Variants in GABRB2 observed in about 807,000 individuals in gnomAD.
GABRB2 encodes the protein gamma-aminobutyric acid receptor subunit beta-2.
GABRB2 carries 16 observed loss-of-function variants against 54.7 expected under a neutral mutation model. The observed-to-expected ratio is 0.29, with a 90% confidence interval of 0.20 to 0.44. The LOEUF (loss-of-function observed/expected upper bound fraction) is 0.44. Ranked by LOEUF, GABRB2 falls within the 20% of genes least tolerant of loss-of-function variation. GABRB2 has a pLI of 1.00. For missense variants in GABRB2, 355 were observed against 644.0 expected (o/e 0.55, Z 4.86); for synonymous variants, 244 against 233.8 (o/e 1.04, Z -0.40).
chr5:161,367,180 T>C (rs1336343596), intron 5 of GABRB2, among the ~76,000 whole-genome samples: 1 of 152,220 alleles, frequency 6.6e-6, no homozygotes, highest in South Asian at 2.1e-4. Flanking sequence ...TCCATAAAAG[T>C]TTCAAATTCT....
At chr5:161,371,226 A>G (rs1469821516) in intron 5 of GABRB2, among the ~76,000 whole-genome samples, 2 of 152,128 alleles carry the variant, frequency 1.3e-5, no homozygotes, top group Non-Finnish European at 2.9e-5. Context: ...AACTCTCTTG[A>G]AAATATACTT....
At chr5:161,544,571 C>T (rs1159147786) in intron 3 of GABRB2, among the ~76,000 whole-genome samples, 2 of 152,210 alleles carry the variant, frequency 1.3e-5, no homozygotes, top group African/African-American at 4.8e-5. Flanking sequence ...AGGAGTACTG[C>T]TGTCAATTAA....
In GABRB2 at chr5:161,291,891, A is replaced by C. The variant is rs1757248356; in HGVS notation, c.*2190T>G. The C allele has an allele frequency of 6.6e-6, 1 of 152,060 alleles. No individual in the cohort carries two copies. The highest frequency in any genetic ancestry group is 1.5e-5 in the Non-Finnish European group (1 of 67,966). The allele number at this position is 152,060 out of a possible 1,614,324, so 9.4% of individuals were successfully genotyped here. On this transcript the variant is annotated 3_prime_UTR_variant, in exon 10 of 10. Transcript: ENST00000393959. ...TCCTGATGTTTTTTAGTCAAACTTT[A>C]CCCCCTGTTGACAAGGGGCAGGCAC...
At chr5:161,394,691 T>C (rs190100881) in intron 5 of GABRB2, among the ~76,000 whole-genome samples, 1 of 152,182 alleles carries the variant, frequency 6.6e-6, no homozygotes, top group East Asian at 1.9e-4. Context: ...CCCATATCTG[T>C]TAAAGATATT....
intron 9 of GABRB2, among the ~76,000 whole-genome samples, chr5:161,309,775 C>T (rs113501117): frequency 0.021 from 3,194 of 151,398 alleles, 118 homozygotes; most frequent in African/African-American, 0.071. Context: ...GGACTACAGG[C>T]GCCCGCCACT....
At chr5:161,457,906 GCC>G (rs1196620896) in intron 4 of GABRB2, among the ~76,000 whole-genome samples, 3 of 152,130 alleles carry the variant, frequency 2.0e-5, no homozygotes, top group African/African-American at 7.2e-5. Context: ...CATGTCCTGT[GCC>G]CTAAAAATAG....
intron 5 of GABRB2, among the ~76,000 whole-genome samples, chr5:161,386,389 G>A (rs913199596): frequency 1.1e-4 from 16 of 151,988 alleles, no homozygotes; most frequent in Non-Finnish European, 1.3e-4. Flanking sequence ...TGTAGACTGC[G>A]AACTCCCCAT....
chr5:161,375,209 G>T (rs188987347), intron 5 of GABRB2, among the ~76,000 whole-genome samples: 2 of 152,256 alleles, frequency 1.3e-5, no homozygotes, highest in East Asian at 3.9e-4. Flanking sequence ...TGACTTGAAA[G>T]CACCAAGGGG....
intron 5 of GABRB2, among the ~76,000 whole-genome samples, chr5:161,368,638 CA>C (rs1755042193): frequency 6.6e-6 from 1 of 152,150 alleles, no homozygotes; most frequent in Non-Finnish European, 1.5e-5. Context: ...CACACCTGGA[CA>C]AACTGATGTA....
intron 5 of GABRB2, among the ~76,000 whole-genome samples, chr5:161,377,760 T>C (rs17520696): frequency 0.019 from 2,918 of 152,176 alleles, 39 homozygotes; most frequent in Middle Eastern, 0.082. Context: ...TCAACATTTA[T>C]TTTTCCCCTT....
rs867070214 is a variant in GABRB2, at chr5:161,463,574, T to G, written c.238-3730A>C. On this transcript the variant is annotated intron_variant, in intron 3 of 9. Coordinates refer to ENST00000393959, the MANE Select transcript of GABRB2 (RefSeq NM_001371727.1). Reference sequence around the variant, plus strand: ...TTTTATTTATATATATATATATATATATATATATATATATATATATATATA... The same window carrying G: ...TTTTATTTATATATATATATATATAGATATATATATATATATATATATATA... 1.6e-3 allele frequency among the ~76,000 whole-genome samples: 203 copies of G among 123,470 alleles called. 7 individuals are homozygous for G. The highest frequency in any genetic ancestry group is 4.9e-3 in the South Asian group (18 of 3,688). 81.0% of individuals were successfully genotyped at this position (123,470 alleles called of 152,430 possible).
chr5:161,305,622 T>C (rs1757668197), intron 9 of GABRB2, among the ~76,000 whole-genome samples: 1 of 152,238 alleles, frequency 6.6e-6, no homozygotes, highest in African/African-American at 2.4e-5. Context: ...TCTAATCTTT[T>C]CATTAGCTGG....
At chr5:161,481,071 C>T (rs942593930) in intron 3 of GABRB2, among the ~76,000 whole-genome samples, 6 of 152,024 alleles carry the variant, frequency 3.9e-5, no homozygotes, top group African/African-American at 1.2e-4. Context: ...AAACAACAAA[C>T]GCATTTAACC....
At chr5:161,539,485 T>C (rs1484205988) in intron 3 of GABRB2, among the ~76,000 whole-genome samples, 1 of 152,232 alleles carries the variant, frequency 6.6e-6, no homozygotes, top group South Asian at 2.1e-4. Flanking sequence ...GGAACTTCTT[T>C]ATATCCAATA....
intron 4 of GABRB2, among the ~76,000 whole-genome samples, chr5:161,442,610 C>T (rs1757499764): frequency 6.6e-6 from 1 of 152,156 alleles, no homozygotes; most frequent in Non-Finnish European, 1.5e-5. Flanking sequence ...TGCTGAGCAG[C>T]ACTGTCCTGG....
intron 9 of GABRB2, among the ~76,000 whole-genome samples, chr5:161,309,116 G>A (rs1401830649): frequency 6.6e-6 from 1 of 151,626 alleles, no homozygotes; most frequent in Non-Finnish European, 1.5e-5. Context: ...ATCTGGCAAG[G>A]GTTTAATATC....
At chr5:161,449,679 G>A (rs894943450) in intron 4 of GABRB2, among the ~76,000 whole-genome samples, 1 of 152,164 alleles carries the variant, frequency 6.6e-6, no homozygotes, top group Middle Eastern at 3.4e-3. Context: ...TGAAAAAACC[G>A]TGCCCTTATG....
chr5:161,542,108 C>T (rs1345698617), intron 3 of GABRB2, among the ~76,000 whole-genome samples: 2 of 152,154 alleles, frequency 1.3e-5, no homozygotes, highest in Non-Finnish European at 2.9e-5. Flanking sequence ...TCAGAACACA[C>T]ACAACATTTA....
chr5:161,481,140 G>A (rs1275308639), intron 3 of GABRB2, among the ~76,000 whole-genome samples: 1 of 151,954 alleles, frequency 6.6e-6, no homozygotes, highest in Non-Finnish European at 1.5e-5. Context: ...CATGGGCCCA[G>A]TTTTCAAGCA....
Sources: gnomAD v4.1 joint callset for allele counts (sites outside exome capture counted in the v4.1 genomes callset) on GRCh38, gnomAD v4.1.1 for gene constraint, MANE v1.5 for transcripts, NCBI Gene and HGNC (gene_info 2026-07-23, HGNC 2026-07-21) for gene names.